The following ZFHX3 variants were observed in gnomAD, a reference collection of about 807,000 sequenced individuals.
The protein encoded by ZFHX3 is zinc finger homeobox protein 3.
ZFHX3 carries 42 observed loss-of-function variants against 279.1 expected under a neutral mutation model. The observed-to-expected ratio is 0.15, with a 90% CI of 0.12 to 0.19. ZFHX3 has a LOEUF of 0.19. Ranked by LOEUF, ZFHX3 falls within the 10% of genes least tolerant of loss-of-function variation. The pLI is 1.00. For missense variants in ZFHX3, 4,981 were observed against 4,754.0 expected, an observed-to-expected ratio of 1.05 and a Z score of -1.40; for synonymous variants, 2,293 against 1,957.8, an observed-to-expected ratio of 1.17 and a Z score of -4.52.
intron 1 of ZFHX3, among the ~76,000 whole-genome samples, chr16:73,804,182 G>A (rs1310041725): frequency 6.6e-6 from 1 of 151,912 alleles, no homozygotes; most frequent in African/African-American, 2.4e-5. Flanking sequence ...AACAAAACTA[G>A]AAACATAAAT....
chr16:72,984,657 G>A (rs1206388010), intron 1 of ZFHX3, among the ~76,000 whole-genome samples: 1 of 151,478 alleles, frequency 6.6e-6, no homozygotes, highest in African/African-American at 2.4e-5. Context: ...CTGAGGAGAT[G>A]TGGTAGATGG....
intron 5 of ZFHX3, chr16:73,232,212 G>C (rs559415793): frequency 6.6e-6 from 1 of 152,170 alleles, no homozygotes; most frequent in Non-Finnish European, 1.5e-5. Flanking sequence ...TCCTCCGGCC[G>C]TGGAGCACTG....
At chr16:73,684,448 T>A (rs1466750462) in intron 1 of ZFHX3, among the ~76,000 whole-genome samples, 7 of 152,020 alleles carry the variant, frequency 4.6e-5, no homozygotes, top group Admixed American at 3.9e-4. Context: ...CCTGTACAAT[T>A]GCTAGATAAC....
chr16:73,562,528 G>A (rs1449575606), intron 2 of ZFHX3, among the ~76,000 whole-genome samples: 4 of 150,710 alleles, frequency 2.7e-5, no homozygotes, highest in Non-Finnish European at 4.4e-5. Flanking sequence ...CCTGGGAGGC[G>A]GAGCTTGCAG....
At chr16:73,491,813 C>T (rs183694805) in intron 2 of ZFHX3, among the ~76,000 whole-genome samples, 5 of 152,210 alleles carry the variant, frequency 3.3e-5, no homozygotes, top group East Asian at 1.9e-4. Flanking sequence ...GTAAAGGCCA[C>T]GGATGCTGCT....
intron 2 of ZFHX3, among the ~76,000 whole-genome samples, chr16:73,599,027 C>T (rs1212228227): frequency 4.6e-5 from 7 of 152,252 alleles, no homozygotes; most frequent in Non-Finnish European, 1.0e-4. Context: ...TCCCAAAGTG[C>T]TGGGATTACA....
At chr16:73,717,400 T>C (rs2053426437) in intron 1 of ZFHX3, among the ~76,000 whole-genome samples, 1 of 152,194 alleles carries the variant, frequency 6.6e-6, no homozygotes, top group South Asian at 2.1e-4. Flanking sequence ...TGATACTCCC[T>C]GCCCCAGTGC....
chr16:73,720,656 A>G (rs2053465394), intron 1 of ZFHX3, among the ~76,000 whole-genome samples: 1 of 152,214 alleles, frequency 6.6e-6, no homozygotes, highest in Non-Finnish European at 1.5e-5. Context: ...AGAGACTGCT[A>G]CTTATAACCA....
intron 3 of ZFHX3, among the ~76,000 whole-genome samples, chr16:72,941,127 T>C (rs1960391317): frequency 6.6e-6 from 1 of 152,232 alleles, no homozygotes; most frequent in Non-Finnish European, 1.5e-5. Context: ...CCTCCTGATG[T>C]CCACTGTGTG....
intron 1 of ZFHX3, among the ~76,000 whole-genome samples, chr16:73,757,999 C>G (rs1401771868): frequency 6.6e-6 from 1 of 152,164 alleles, no homozygotes; most frequent in East Asian, 1.9e-4. Flanking sequence ...GTTTCAAATA[C>G]CCCAGGTACA....
intron 1 of ZFHX3, among the ~76,000 whole-genome samples, chr16:73,766,785 G>A (rs1342084807): frequency 1.3e-5 from 2 of 152,094 alleles, no homozygotes; most frequent in Non-Finnish European, 2.9e-5. Flanking sequence ...CTGTGCCCAG[G>A]TTAGCTGGCA....
chr16:73,089,447 T>C (rs1363434324), intron 8 of ZFHX3, among the ~76,000 whole-genome samples: 1 of 152,180 alleles, frequency 6.6e-6, no homozygotes, highest in Admixed American at 6.6e-5. Flanking sequence ...CATTACTCCA[T>C]GAACATATTT....
At chr16:73,818,124 T>C (rs1413041596) in intron 1 of ZFHX3, among the ~76,000 whole-genome samples, 1 of 152,252 alleles carries the variant, frequency 6.6e-6, no homozygotes, top group Non-Finnish European at 1.5e-5. Context: ...TGCTGTAGTA[T>C]ATAAATCATT....
rs1261660338 is a variant in ZFHX3 at position 72,957,511 on chromosome 16, T to C, written c.2635A>G (p.Ser879Gly). The C allele has an allele frequency of 6.2e-7, 1 of 1,614,204 alleles. No individual in the cohort carries two copies. The highest frequency in any genetic ancestry group is 1.7e-5 in the Admixed American group (1 of 60,018). The part of the protein sequence containing the change: ...NMNLPNLKMD[S>G]AASDAQFMMS... Reference sequence around the variant, plus strand: ...ATGAACTGGGCGTCCGAGGCAGCACTGTCCATCTTCAGGTTGGGCAGGTTC... The same window carrying C: ...ATGAACTGGGCGTCCGAGGCAGCACCGTCCATCTTCAGGTTGGGCAGGTTC... The change falls in exon 2 of 10, where the codon AGT (serine) becomes GGT (glycine). Residue 879 changes from serine (S) to glycine (G), a missense_variant. Around this residue, in one of 7 missense-constraint regions of ZFHX3, gnomAD observed 1,751 missense variants for 1,770.0 expected, o/e 0.99. Coordinates refer to ENST00000268489, the MANE Select transcript of ZFHX3 (RefSeq NM_006885.4).
chr16:73,630,806 G>A (rs1332183243), intron 2 of ZFHX3, among the ~76,000 whole-genome samples: 1 of 152,198 alleles, frequency 6.6e-6, no homozygotes, highest in African/African-American at 2.4e-5. Context: ...GTTTTCAGGA[G>A]AAATGACAAT....
intron 3 of ZFHX3, among the ~76,000 whole-genome samples, chr16:73,385,389 G>T (rs1459419118): frequency 1.3e-5 from 2 of 152,200 alleles, no homozygotes; most frequent in African/African-American, 2.4e-5. Flanking sequence ...TGCAGGAGGA[G>T]CATGAATAAA....
At chr16:73,856,597 A>T (rs1215138099) in intron 1 of ZFHX3, among the ~76,000 whole-genome samples, 1 of 152,198 alleles carries the variant, frequency 6.6e-6, no homozygotes, top group African/African-American at 2.4e-5. Flanking sequence ...TTTTTAATGG[A>T]TTTGAAGAAA....
intron 3 of ZFHX3, among the ~76,000 whole-genome samples, chr16:72,921,967 C>T (rs1454968937): frequency 1.3e-5 from 2 of 152,204 alleles, no homozygotes; most frequent in Non-Finnish European, 1.5e-5. Context: ...GGGGCCCCTG[C>T]CAGACAGCTC....
intron 3 of ZFHX3, among the ~76,000 whole-genome samples, chr16:72,933,176 T>C (rs1016496376): frequency 6.6e-6 from 1 of 152,220 alleles, no homozygotes; most frequent in Non-Finnish European, 1.5e-5. Context: ...TAGATTTCCA[T>C]GGCCTCTCCC....
Sources: allele counts gnomAD v4.1 joint callset (sites outside exome capture counted in the v4.1 genomes callset), GRCh38; gene constraint gnomAD v4.1.1; regional missense constraint gnomAD v4.1.1; transcripts MANE v1.5; gene names NCBI Gene and HGNC (gene_info 2026-07-23, HGNC 2026-07-21).